The following SPAG9 variants were observed in gnomAD, a reference collection of about 807,000 sequenced individuals.
SPAG9 encodes sperm associated antigen 9.
In SPAG9, 35 loss-of-function variants were observed where a neutral mutation model predicts 166.5. The observed-to-expected ratio is 0.21, with a 90% CI of 0.16 to 0.28. SPAG9 has a LOEUF of 0.28. Among genes scored for constraint, SPAG9 ranks in the 10% least tolerant of loss-of-function variants. The pLI is 1.00. For synonymous variants in SPAG9, 534 were observed against 565.5 expected, an observed-to-expected ratio of 0.94 and a Z score of 0.79; for missense variants, 1,235 against 1,603.3, an observed-to-expected ratio of 0.77 and a Z score of 3.92.
intron 1 of SPAG9, among the ~76,000 whole-genome samples, chr17:51,088,020 T>C (rs982301326): frequency 4.6e-5 from 7 of 152,182 alleles, no homozygotes; most frequent in East Asian, 3.9e-4. Context: ...GCTGGGATTA[T>C]AGGCATGAGC....
At chr17:50,998,035 T>A (rs899979460) in intron 15 of SPAG9, among the ~76,000 whole-genome samples, 2 of 138,906 alleles carry the variant, frequency 1.4e-5, no homozygotes, top group East Asian at 2.0e-4. Context: ...TTTTTTTTTT[T>A]TTTTTTTTTT....
chr17:50,968,319 C>G (rs1973516136), intron 29 of SPAG9, among the ~76,000 whole-genome samples: 1 of 152,130 alleles, frequency 6.6e-6, no homozygotes, highest in East Asian at 1.9e-4. Context: ...GAATTCATAT[C>G]TAAAGTATTT....
intron 3 of SPAG9, 26 bp downstream of exon 3, chr17:51,056,386 T>C (rs779188678): frequency 7.6e-7 from 1 of 1,315,164 alleles, no homozygotes; most frequent in East Asian, 2.3e-5. Flanking sequence ...AATAATAGCA[T>C]GGTAATGAAA....
intron 28 of SPAG9, among the ~76,000 whole-genome samples, chr17:50,973,147 G>A (rs1429681963): frequency 6.6e-6 from 1 of 152,176 alleles, no homozygotes; most frequent in Non-Finnish European, 1.5e-5. Flanking sequence ...GAAGCAAGTT[G>A]TAGAAGCATA....
At chr17:50,966,737 T>C (rs1267094241) in intron 29 of SPAG9, among the ~76,000 whole-genome samples, 1 of 152,222 alleles carries the variant, frequency 6.6e-6, no homozygotes, top group Non-Finnish European at 1.5e-5. Context: ...GAGTCTACTG[T>C]CACTTATTTT....
chr17:51,027,165 C>T (rs2046214720), intron 6 of SPAG9, among the ~76,000 whole-genome samples: 1 of 152,126 alleles, frequency 6.6e-6, no homozygotes, highest in Non-Finnish European at 1.5e-5. Flanking sequence ...AGCACAGTGG[C>T]TCATGTGTGT....
At chr17:51,053,846 AAAAAAAAAGT>A (rs2047252421) in intron 3 of SPAG9, among the ~76,000 whole-genome samples, 1 of 72,102 alleles carries the variant, frequency 1.4e-5, no homozygotes, top group African/African-American at 6.4e-5. Context: ...TAAAAAAAAA[AAAAAAAAAGT>A]ATATATATAT....
In SPAG9 at chr17:50,970,766, G is replaced by T. The variant is rs146407229; in HGVS notation, c.3791C>A (p.Thr1264Lys). The T allele has an allele frequency of 3.1e-6, 5 of 1,614,036 alleles. No individual in the cohort carries two copies. Among genetic ancestry groups the T allele is most frequent in the Non-Finnish European group, 4.2e-6 (5 of 1,179,970 alleles). ...GPSAQEPGSQ[T>K]PLKSMLVISG... ...GATGACAAGCATAGACTTCAAGGGCGTCTGACTACCAGGCTCCTGTGCAGA... is the reference window on the plus strand; with the variant it reads ...GATGACAAGCATAGACTTCAAGGGCTTCTGACTACCAGGCTCCTGTGCAGA... The change falls in exon 29 of 30, where the codon ACG becomes AAG. Residue 1264 changes from threonine to lysine, a missense_variant. Thr to Lys is a moderately conservative substitution (Grantham distance 78, BLOSUM62 -1). Around this residue, in one of 6 missense-constraint regions of SPAG9, gnomAD observed 243 missense variants for 358.6 expected, o/e 0.68. Transcript: ENST00000262013.
At chr17:50,979,380 GAAA>G (rs76167072) in intron 26 of SPAG9, among the ~76,000 whole-genome samples, 5 of 76,084 alleles carry the variant, frequency 6.6e-5, no homozygotes, top group African/African-American at 1.9e-4. Context: ...TTGAAAAAAA[GAAA>G]AAAAAAAAAA....
At chr17:51,090,012 T>G (rs940998361) in intron 1 of SPAG9, among the ~76,000 whole-genome samples, 3 of 151,786 alleles carry the variant, frequency 2.0e-5, no homozygotes, top group African/African-American at 7.3e-5. Flanking sequence ...GAGAAGTCAT[T>G]TTAGCTTACT....
intron 25 of SPAG9, among the ~76,000 whole-genome samples, chr17:50,981,716 CAAA>C (rs60390444): frequency 7.8e-6 from 1 of 127,500 alleles, no homozygotes. Context: ...TGTATTGTGA[CAAA>C]AAAAAAAAAA....
At chr17:51,100,089 G>C (rs189225872) in intron 1 of SPAG9, among the ~76,000 whole-genome samples, 33 of 152,094 alleles carry the variant, frequency 2.2e-4, no homozygotes, top group African/African-American at 8.0e-4. Context: ...AACAGAGTGA[G>C]ACTCTGTCTC....
At chr17:51,110,508 T>G (rs1049594045) in intron 1 of SPAG9, among the ~76,000 whole-genome samples, 1 of 150,068 alleles carries the variant, frequency 6.7e-6, no homozygotes, top group Non-Finnish European at 1.5e-5. Flanking sequence ...CTGGGCAACA[T>G]GGTGAAACCC....
chr17:51,082,424 A>C (rs774780419), intron 1 of SPAG9, among the ~76,000 whole-genome samples: 21 of 147,418 alleles, frequency 1.4e-4, no homozygotes, highest in African/African-American at 5.0e-4. Context: ...CCTACTCCCT[A>C]TCTCTCCTCC....
At chr17:50,971,313 CAA>C (rs1973784763) in intron 28 of SPAG9, among the ~76,000 whole-genome samples, 1 of 21,906 alleles carries the variant, frequency 4.6e-5, no homozygotes, top group Non-Finnish European at 7.5e-5. Context: ...TTCTAAAAAA[CAA>C]ACAAACAAAC....
chr17:51,043,754 C>T (rs1337937507), intron 4 of SPAG9, among the ~76,000 whole-genome samples: 1 of 152,164 alleles, frequency 6.6e-6, no homozygotes, highest in Non-Finnish European at 1.5e-5. Flanking sequence ...AATGCAAAGA[C>T]AACCAGGAAG....
intron 27 of SPAG9, chr17:50,975,806 C>A: frequency 1.5e-6 from 2 of 1,331,030 alleles, no homozygotes. Flanking sequence ...GTGGTAACAG[C>A]CTTACAGTGG....
intron 2 of SPAG9, among the ~76,000 whole-genome samples, chr17:51,078,396 C>A (rs1047195461): frequency 6.6e-6 from 1 of 152,198 alleles, no homozygotes; most frequent in African/African-American, 2.4e-5. Context: ...TCAGTTCTCA[C>A]ACACGCCCCA....
intron 27 of SPAG9, among the ~76,000 whole-genome samples, chr17:50,976,053 C>T (rs1974183951): frequency 6.6e-6 from 1 of 152,012 alleles, no homozygotes; most frequent in Admixed American, 6.5e-5. Context: ...GGCATAATAC[C>T]AAGTAATACA....
Sources: allele counts gnomAD v4.1 joint callset (sites outside exome capture counted in the v4.1 genomes callset), GRCh38; gene constraint gnomAD v4.1.1; regional missense constraint gnomAD v4.1.1; transcripts MANE v1.5; gene names NCBI Gene and HGNC (gene_info 2026-07-23, HGNC 2026-07-21).